NOC4L: variants seen among roughly 807,000 people sequenced by gnomAD.
NOC4L encodes nucleolar complex associated 4 homolog, also known as nucleolar complex protein 4 homolog.
NOC4L carries 40 observed loss-of-function variants against 62.8 expected under a neutral mutation model. The ratio of observed to expected loss-of-function variants is 0.64; its 90% CI spans 0.49 to 0.83. NOC4L has a LOEUF of 0.83. NOC4L is among the 40% of genes least tolerant of loss of function. The probability of loss-of-function intolerance (pLI) is 0.00; values close to 1 mark genes in which losing one functional copy is unlikely to be tolerated. For missense variants in NOC4L, 927 were observed against 701.9 expected (o/e 1.32, Z -3.62); for synonymous variants, 433 against 299.8 (o/e 1.44, Z -4.59).
In NOC4L at chr12:132,144,968, A is replaced by G; in HGVS notation, c.232A>G (p.Met78Val). Residue 78 changes from methionine to valine, a missense_variant, in exon 2 of 15, where the codon ATG (methionine) becomes GTG (valine). Met to Val is a conservative substitution (Grantham distance 21, BLOSUM62 1). Transcript: ENST00000330579. ...VGQLPSEEMV[M>V]TGSQGATRKY... is the part of the protein sequence containing the mutation. The stretch of plus-strand genomic sequence containing the variant: ...CCAGCTGCCCTCTGAGGAGATGGTC[A>G]TGACAGGTGAGCCCTGGAGGGCCCC... 3.8e-6 allele frequency: 6 copies of G among 1,598,276 alleles called. No individual in the cohort carries two copies. The Admixed American group carries it at 8.7e-5, about 23-fold the overall frequency.
At position 132,144,612 on chromosome 12, in the gene NOC4L, C is replaced by T; in HGVS notation, c.117+7C>T. ...CATCCTGGCCGTGCTGCAGGTGGGCCTGGCGGCGTCGCAGGGCCGGAGTCG... is the reference window on the plus strand; with the variant it reads ...CATCCTGGCCGTGCTGCAGGTGGGCTTGGCGGCGTCGCAGGGCCGGAGTCG... On this transcript the variant is annotated splice_region_variant and intron_variant, in intron 1 of 14. Transcript: ENST00000330579. 2.0e-6 allele frequency: 3 copies of T among 1,503,212 alleles called. No individual in the cohort carries two copies. The highest frequency in any genetic ancestry group is 1.8e-6 in the Non-Finnish European group (2 of 1,133,584). The allele number at this position is 1,503,212 out of a possible 1,614,324, so 93.1% of individuals were successfully genotyped here. A position where few individuals can be genotyped will look rare whatever the true frequency, so the allele number is the denominator to read the frequency against.
rs201951710 is a variant in NOC4L, at chr12:132,151,544, G to A, written c.1134G>A (p.Thr378=). 7.4e-5 allele frequency: 119 copies of A among 1,608,838 alleles called. 1 individual carries two copies. The Middle Eastern group carries it at 8.3e-4, about 11-fold the overall frequency. ...FAKRLARLAL[T]APPEALLMVL... The stretch of plus-strand genomic sequence containing the variant: ...AGCGGCTGGCCCGCCTGGCCCTGAC[G>A]GCTCCCCCTGAGGCCCTGCTCATGG... The change falls in exon 12 of 15, where the codon ACG becomes ACA. Residue 378 remains threonine (T), a synonymous_variant. Coordinates refer to ENST00000330579, the MANE Select transcript of NOC4L (RefSeq NM_024078.3).
chr12:132,151,278 G>C lies in NOC4L; in HGVS notation c.983G>C (p.Arg328Pro), dbSNP rs138348383. ...KHNLEYPDFY[R>P]KLYGLLDPSV... ...CGCAGGGAGTACCCTGACTTCTACC[G>C]GAAGCTCTACGGCCTCTTGGACCCC... is the stretch of plus-strand genomic sequence containing the variant. Residue 328 changes from arginine to proline, a missense_variant, in exon 11 of 15, where the codon CGG becomes CCG. Arg to Pro is a moderately radical substitution (Grantham distance 103). Coordinates refer to ENST00000330579, the MANE Select transcript of NOC4L (RefSeq NM_024078.3). 1 of 1,611,784 alleles carries C rather than the reference G, an allele frequency of 6.2e-7. No homozygotes were observed. Among genetic ancestry groups the C allele is most frequent in the East Asian group, 2.2e-5 (1 of 44,872 alleles).
chr12:132,145,021 G>T (rs1276236553), intron 2 of NOC4L, 47 bp downstream of exon 2: 4 of 1,544,684 alleles, frequency 2.6e-6, no homozygotes, highest in East Asian at 2.4e-5. Context: ...TCCGTGGGTC[G>T]GAGGGAGGCT....
intron 3 of NOC4L, among the ~76,000 whole-genome samples, chr12:132,145,927 C>T (rs902344430): frequency 6.6e-6 from 1 of 152,324 alleles, no homozygotes; most frequent in African/African-American, 2.4e-5. Flanking sequence ...CACACCAAGC[C>T]TCGTGCCAGT....
intron 9 of NOC4L, among the ~76,000 whole-genome samples, 197 bp downstream of exon 9, chr12:132,149,092 CCT>C (rs1338711661): frequency 3.9e-4 from 8 of 20,618 alleles, no homozygotes; most frequent in Non-Finnish European, 8.3e-4. Context: ...CCGCCTCACT[CCT>C]ACCACACCCC....
rs150323132 is a variant in NOC4L at position 132,146,392 on chromosome 12, T to G, written c.345+727T>G. On this transcript the variant is annotated intron_variant, in intron 3 of 14. Transcript: ENST00000330579. ...TAGGTTGCTGGGCATTTGCGTCGTTTCCACCTTTGGCTGTTACGAACAGCG... is the reference window on the plus strand; with the variant it reads ...TAGGTTGCTGGGCATTTGCGTCGTTGCCACCTTTGGCTGTTACGAACAGCG... 8.4e-4 allele frequency: 378 copies of G among 451,782 alleles called. 5 individuals carry two copies. The East Asian group carries it at 0.015, about 18-fold the overall frequency. 28.0% of individuals were successfully genotyped at this position (451,782 alleles called of 1,614,324 possible).
rs978764707 is a variant in NOC4L, at chr12:132,151,038, A to T, written c.959A>T (p.Asn320Ile). The stretch of plus-strand genomic sequence containing the variant: ...CTGTTCATCTTGATTCACAAACACA[A>T]CCTGTGAGTGTCACCAGGGGTGCAG... ...NGLFILIHKHNLEYPDFYRKL... is the reference protein window; with the variant it reads ...NGLFILIHKHILEYPDFYRKL... The change falls in exon 10 of 15, where the codon AAC (asparagine) becomes ATC (isoleucine). Residue 320 changes from asparagine to isoleucine, a missense_variant. Physicochemically the swap from Asn to Ile is moderately radical, Grantham distance 149. Coordinates refer to ENST00000330579, the MANE Select transcript of NOC4L (RefSeq NM_024078.3). 1.2e-6 allele frequency: 2 copies of T among 1,610,036 alleles called. No homozygotes were observed. The highest frequency in any genetic ancestry group is 1.7e-6 in the Non-Finnish European group (2 of 1,178,438).
In NOC4L at chr12:132,152,434, C is replaced by T. The variant is rs773418713; in HGVS notation, c.*33C>T. The T allele has an allele frequency of 3.2e-5, 49 of 1,547,158 alleles. No homozygotes were observed. Among genetic ancestry groups the T allele is most frequent in the Middle Eastern group, 1.7e-4 (1 of 5,830 alleles). ...CCACCTGTGAATAAATCTCAGCTGA[C>T]CCCAGCCCACCTGTGAATAAATGTT... On this transcript the variant is annotated 3_prime_UTR_variant, in exon 15 of 15. Transcript: ENST00000330579.
At chr12:132,148,942 G>A (rs575306799) in intron 9 of NOC4L, 47 bp downstream of exon 9, 2 of 436,312 alleles carry the variant, frequency 4.6e-6, no homozygotes, top group African/African-American at 4.9e-5. Context: ...TCCCCTCGGT[G>A]AGTGCCGCCG....
chr12:132,144,954 C>T lies in NOC4L; in HGVS notation c.218C>T (p.Ser73Phe), dbSNP rs1459963962. The change falls in exon 2 of 15, where the codon TCT (serine) becomes TTT (phenylalanine). Residue 73 changes from serine to phenylalanine, a missense_variant. Ser to Phe is a radical substitution (Grantham distance 155, BLOSUM62 -2). Transcript: ENST00000330579. ...RGELFVGQLP[S>F]EEMVMTGSQG... Reference sequence around the variant, plus strand: ...GAGCTGTTTGTGGGCCAGCTGCCCTCTGAGGAGATGGTCATGACAGGTGAG... The same window carrying T: ...GAGCTGTTTGTGGGCCAGCTGCCCTTTGAGGAGATGGTCATGACAGGTGAG... 2 of 1,600,158 alleles carry T rather than the reference C, an allele frequency of 1.2e-6. No homozygotes were observed. Among genetic ancestry groups the T allele is most frequent in the South Asian group, 1.1e-5 (1 of 88,612 alleles).
In NOC4L at chr12:132,145,555, G is replaced by T. The variant is rs1208070571; in HGVS notation, c.239-4G>T. On this transcript the variant is annotated splice_region_variant and splice_polypyrimidine_tract_variant and intron_variant, in intron 2 of 14. Transcript: ENST00000330579. ...GTGGGCTGACCACCCTAACCTGTCT[G>T]CAGGGTCCCAGGGAGCCACACGGAA... The T allele has an allele frequency of 1.9e-6, 3 of 1,607,282 alleles. No homozygotes were observed. Among genetic ancestry groups the T allele is most frequent in the South Asian group, 2.2e-5 (2 of 90,718 alleles).
intron 4 of NOC4L, 90 bp downstream of exon 4, chr12:132,147,478 G>C (rs748694233): frequency 3.0e-5 from 44 of 1,453,026 alleles, no homozygotes; most frequent in Non-Finnish European, 3.9e-5. Context: ...CTGCTGAGCT[G>C]AGCCTGGCTG....
chr12:132,146,343 C>T (rs932953774), intron 3 of NOC4L: 5 of 455,914 alleles, frequency 1.1e-5, no homozygotes, highest in Non-Finnish European at 1.8e-5. Context: ...TCGTATAGCA[C>T]AGCACGTATC....
In NOC4L at chr12:132,145,805, C is replaced by T. The variant is rs1897694241; in HGVS notation, c.345+140C>T. 8.3e-6 allele frequency: 5 copies of T among 605,932 alleles called. 1 individual carries two copies. The East Asian group carries it at 8.4e-5, about 10-fold the overall frequency. The allele number at this position is 605,932 out of a possible 1,614,324, so 37.5% of individuals were successfully genotyped here. A position where few individuals can be genotyped will look rare whatever the true frequency, so the allele number is the denominator to read the frequency against. On this transcript the variant is annotated intron_variant, in intron 3 of 14. Coordinates refer to ENST00000330579, the MANE Select transcript of NOC4L (RefSeq NM_024078.3). ...ATGGGAGCATCACCCTGTGGGTGTT[C>T]AGTCCCATTCAGAAACATGGCTATC...
rs754563673 is a variant in NOC4L, at chr12:132,152,180, G to C, written c.1414G>C (p.Glu472Gln). 95 of 1,611,972 alleles carry C rather than the reference G, an allele frequency of 5.9e-5. No homozygotes were observed. The highest frequency in any genetic ancestry group is 7.6e-5 in the Non-Finnish European group (90 of 1,179,838). Residue 472 changes from glutamate to glutamine, a missense_variant, in exon 14 of 15, where the codon GAG becomes CAG. By Grantham distance (29) the Glu-to-Gln change is conservative (BLOSUM62 2). Coordinates refer to ENST00000330579, the MANE Select transcript of NOC4L (RefSeq NM_024078.3). ...MPEVSIAPLL[E>Q]LTAYEIFERD... ...TGAGGTCAGCATCGCGCCACTGCTG[G>C]AGCTCACGGCCTACGAGGTGCGGAA... is the stretch of plus-strand genomic sequence containing the variant.
chr12:132,148,515 T>C lies in NOC4L; in HGVS notation c.739-94T>C, dbSNP rs887035623. ...CAGAAAAGTGGAGAGCAGGCTTGTGTTGGCTCAGGCTGGGCTTCGGGGTGC... is the reference window on the plus strand; with the variant it reads ...CAGAAAAGTGGAGAGCAGGCTTGTGCTGGCTCAGGCTGGGCTTCGGGGTGC... On this transcript the variant is annotated intron_variant, in intron 7 of 14. Coordinates refer to ENST00000330579, the MANE Select transcript of NOC4L (RefSeq NM_024078.3). 1.5e-5 allele frequency: 20 copies of C among 1,378,562 alleles called. No individual in the cohort carries two copies. In the Middle Eastern group the frequency reaches 7.2e-4, roughly 49 times the overall value. The allele number at this position is 1,378,562 out of a possible 1,614,324, so 85.4% of individuals were successfully genotyped here.
chr12:132,144,974 G>C lies in NOC4L; in HGVS notation c.238G>C (p.Gly80Arg), dbSNP rs200625573. 14 of 1,596,268 alleles carry C rather than the reference G, an allele frequency of 8.8e-6. No individual in the cohort carries two copies. In the African/African-American group the frequency reaches 1.7e-4, roughly 20 times the overall value. ...GCCCTCTGAGGAGATGGTCATGACA[G>C]GTGAGCCCTGGAGGGCCCCGGGGCT... ...QLPSEEMVMT[G>R]SQGATRKYKV... Residue 80 changes from glycine (G) to arginine (R), a missense_variant and splice_region_variant, in exon 2 of 15, where the codon GGG becomes CGG. Physicochemically the swap from Gly to Arg is moderately radical, Grantham distance 125. Transcript: ENST00000330579.
rs757380736 is a variant in NOC4L at position 132,151,244 on chromosome 12, C to T, written c.963-14C>T. On this transcript the variant is annotated splice_polypyrimidine_tract_variant and intron_variant, in intron 10 of 14. Coordinates refer to ENST00000330579, the MANE Select transcript of NOC4L (RefSeq NM_024078.3). The stretch of plus-strand genomic sequence containing the variant: ...GCCCTGCTCCATCCGCTGCTCCTTC[C>T]CCCCGGCCCGCAGGGAGTACCCTGA... The T allele has an allele frequency of 4.8e-5, 77 of 1,604,010 alleles. No homozygotes were observed. Among genetic ancestry groups the T allele is most frequent in the South Asian group, 2.1e-4 (19 of 90,960 alleles).
Sources: gnomAD v4.1 joint callset for allele counts (sites outside exome capture counted in the v4.1 genomes callset) on GRCh38, gnomAD v4.1.1 for gene constraint, MANE v1.5 for transcripts, NCBI Gene and HGNC (gene_info 2026-07-23, HGNC 2026-07-21) for gene names.